KIF21A: variants seen among roughly 807,000 people sequenced by gnomAD.
KIF21A encodes the protein kinesin family member 21A.
KIF21A carries 114 observed loss-of-function variants against 202.9 expected under a neutral mutation model. That is an observed-to-expected ratio of 0.56 (90% CI 0.48 to 0.66). The LOEUF is 0.66. Ranked by LOEUF, KIF21A falls within the 30% of genes least tolerant of loss-of-function variation. KIF21A has a pLI of 0.00. For missense variants in KIF21A, 1,677 were observed against 1,994.9 expected (o/e 0.84, Z 3.04); for synonymous variants, 667 against 670.8 (o/e 0.99, Z 0.09).
Position 39,318,167 on chromosome 12 carries a change from G to A in KIF21A, c.3814C>T (p.Pro1272Ser). The change falls in exon 29 of 38, where the codon CCT (proline) becomes TCT (serine). Residue 1272 changes from proline to serine, a missense_variant. Coordinates refer to ENST00000361418, the MANE Select transcript of KIF21A (RefSeq NM_001173464.2). ...GGCCGGCTTGGTGGGGAAGAAGGAG[G>A]TGAAAGACTAGCCTCTGAAGTTCCA... The part of the protein sequence containing the change: ...DSGTSEASLS[P>S]PSSPPSRPRN... 2 of 1,613,582 alleles carry A rather than the reference G, an allele frequency of 1.2e-6. No homozygotes were observed. Among genetic ancestry groups the A allele is most frequent in the African/African-American group, 1.3e-5 (1 of 75,012 alleles).
At chr12:39,430,331 C>T (rs375286095) in intron 1 of KIF21A, among the ~76,000 whole-genome samples, 3 of 151,798 alleles carry the variant, frequency 2.0e-5, no homozygotes, top group Non-Finnish European at 2.9e-5. Flanking sequence ...TTTGGGAGGC[C>T]GAGGTGGGCG....
intron 13 of KIF21A, 82 bp from the exon 14 acceptor site, chr12:39,341,704 C>A (rs959535577): frequency 7.0e-7 from 1 of 1,421,030 alleles, no homozygotes; most frequent in Non-Finnish European, 9.6e-7. Context: ...TGCTGGAGTA[C>A]AAAGTACGGA....
chr12:39,357,907 T>A lies in KIF21A; in HGVS notation c.1215+271A>T, dbSNP rs528902560. 2.3e-3 allele frequency among the ~76,000 whole-genome samples: 48 copies of A among 20,808 alleles called. No homozygotes were observed. The East Asian group carries it at 0.045, about 19-fold the overall frequency. The allele number at this position is 20,808 out of a possible 152,430, so 13.7% of individuals were successfully genotyped here. On this transcript the variant is annotated intron_variant, in intron 8 of 37. Transcript: ENST00000361418. ...GTGGGTGATAGAGGGAGACTCCATC[T>A]CAAAAAAAAAAAAAAAAAAAAAAAA...
At chr12:39,316,959 C>T (rs1944615605) in intron 29 of KIF21A, among the ~76,000 whole-genome samples, 1 of 152,124 alleles carries the variant, frequency 6.6e-6, no homozygotes, top group Non-Finnish European at 1.5e-5. Flanking sequence ...AAGGTAGACA[C>T]AAATTTAGCA....
intron 1 of KIF21A, among the ~76,000 whole-genome samples, chr12:39,406,096 C>A (rs1365708816): frequency 2.6e-5 from 4 of 151,802 alleles, no homozygotes; most frequent in African/African-American, 9.7e-5. Flanking sequence ...AGTAACAGAA[C>A]AGAGCCTGAA....
At chr12:39,433,395 A>C (rs888500277) in intron 1 of KIF21A, among the ~76,000 whole-genome samples, 1 of 152,192 alleles carries the variant, frequency 6.6e-6, no homozygotes, top group African/African-American at 2.4e-5. Flanking sequence ...ATGTATAATT[A>C]AAATTTTTAT....
At chr12:39,320,707 G>A (rs952229619) in intron 27 of KIF21A, among the ~76,000 whole-genome samples, 26 of 151,596 alleles carry the variant, frequency 1.7e-4, no homozygotes, top group African/African-American at 6.3e-4. Flanking sequence ...GGCTGAGGTG[G>A]GTGGATCACT....
Position 39,301,566 on chromosome 12 carries a change from A to G in KIF21A, c.4845T>C (p.Thr1615=), listed in dbSNP as rs1164303247. 3 of 1,614,124 alleles carry G rather than the reference A, an allele frequency of 1.9e-6. No homozygotes were observed. Among genetic ancestry groups the G allele is most frequent in the Non-Finnish European group, 2.5e-6 (3 of 1,179,996 alleles). ...GGILKVWNMD[T]FMPVGEMKGH... ...CCTTCATCTCTCCCACTGGCATAAA[A>G]GTATCCATGTTCCAGACTTTCAAAA... Residue 1615 remains threonine (T), a synonymous_variant, in exon 37 of 38, where the codon ACT becomes ACC. Coordinates refer to ENST00000361418, the MANE Select transcript of KIF21A (RefSeq NM_001173464.2).
chr12:39,325,969 C>T lies in KIF21A; in HGVS notation c.3402-76G>A, dbSNP rs147657757. ...GAAAACTATAGCTCCTCTATATCAACGACTACAAAAAATTTATATGCCTAT... is the reference window on the plus strand; with the variant it reads ...GAAAACTATAGCTCCTCTATATCAATGACTACAAAAAATTTATATGCCTAT... On this transcript the variant is annotated intron_variant, in intron 25 of 37. Coordinates refer to ENST00000361418, the MANE Select transcript of KIF21A (RefSeq NM_001173464.2). 605 of 1,134,904 alleles carry T rather than the reference C, an allele frequency of 5.3e-4. No individual in the cohort carries two copies. The African/African-American group carries it at 7.0e-3, about 13-fold the overall frequency. The allele number at this position is 1,134,904 out of a possible 1,614,324, so 70.3% of individuals were successfully genotyped here.
At position 39,330,744 on chromosome 12, in the gene KIF21A, A is replaced by G; in HGVS notation, c.3319+2T>C. The G allele has an allele frequency of 6.2e-7, 1 of 1,613,890 alleles. No individual in the cohort carries two copies. The highest frequency in any genetic ancestry group is 1.3e-5 in the African/African-American group (1 of 75,060). ...ATTCAACTAAAATTGAGAGCAAATT[A>G]CCTTGTAAAGCATGGCCTAGTAAAG... On this transcript the variant is annotated splice_donor_variant, in intron 23 of 37. Transcript: ENST00000361418. LOFTEE classifies it high-confidence loss of function.
At chr12:39,366,618 C>T (rs1431972980) in intron 5 of KIF21A, 101 bp from the exon 6 acceptor site, 1 of 846,868 alleles carries the variant, frequency 1.2e-6, no homozygotes, top group African/African-American at 1.7e-5. Context: ...TAGGCACAAC[C>T]AAAGAAACAG....
rs1478626116 is a variant in KIF21A, at chr12:39,313,238, G to C, written c.3960-1685C>G. On this transcript the variant is annotated intron_variant, in intron 31 of 37. Transcript: ENST00000361418. ...ATCAAAAAAAGGGACAAAACATGTAGACCTGATCTTCCAAAATGCAGGAAA... is the reference window on the plus strand; with the variant it reads ...ATCAAAAAAAGGGACAAAACATGTACACCTGATCTTCCAAAATGCAGGAAA... Among the ~76,000 whole-genome samples, 4 of 151,940 alleles carry C rather than the reference G, an allele frequency of 2.6e-5. No homozygotes were observed. The South Asian group carries it at 6.2e-4, about 24-fold the overall frequency.
intron 12 of KIF21A, among the ~76,000 whole-genome samples, chr12:39,345,986 T>TTTG (rs1947857111): frequency 6.6e-6 from 1 of 152,034 alleles, no homozygotes; most frequent in Non-Finnish European, 1.5e-5. Context: ...TGTTGTCATT[T>TTTG]TAATGATTTT....
chr12:39,425,767 G>A (rs1159787632), intron 1 of KIF21A, among the ~76,000 whole-genome samples: 1 of 151,980 alleles, frequency 6.6e-6, no homozygotes, highest in Non-Finnish European at 1.5e-5. Flanking sequence ...GGCTTAGGCA[G>A]ATTAAAGAAT....
chr12:39,417,576 C>T (rs1395785070), intron 1 of KIF21A, among the ~76,000 whole-genome samples: 1 of 152,030 alleles, frequency 6.6e-6, no homozygotes, highest in African/African-American at 2.4e-5. Flanking sequence ...CATCTTATTA[C>T]CTATTGAGTT....
chr12:39,419,389 A>T (rs1954054384), intron 1 of KIF21A, among the ~76,000 whole-genome samples: 1 of 152,202 alleles, frequency 6.6e-6, no homozygotes, highest in Non-Finnish European at 1.5e-5. Context: ...TAGTTCCTAT[A>T]ATTTCCATTC....
Position 39,338,416 on chromosome 12 carries a change from T to A in KIF21A, c.2311-1213A>T, listed in dbSNP as rs554437330. 2.0e-5 allele frequency among the ~76,000 whole-genome samples: 3 copies of A among 152,340 alleles called. No individual in the cohort carries two copies. In the South Asian group the frequency reaches 6.2e-4, roughly 32 times the overall value. On this transcript the variant is annotated intron_variant, in intron 16 of 37. Coordinates refer to ENST00000361418, the MANE Select transcript of KIF21A (RefSeq NM_001173464.2). ...ATTTATAAAATAAAAAAAATTACAG[T>A]AAGCCAAGGTTAATTTATCACTGAG...
At chr12:39,341,151 T>C (rs1947407596) in intron 14 of KIF21A, 57 bp from the exon 15 acceptor site, 2 of 1,304,052 alleles carry the variant, frequency 1.5e-6, no homozygotes, top group Non-Finnish European at 2.2e-6. Flanking sequence ...ATCAGAATTC[T>C]AGCTTTCAAG....
chr12:39,295,807 T>G (rs760184443), intron 37 of KIF21A, among the ~76,000 whole-genome samples: 1 of 147,880 alleles, frequency 6.8e-6, no homozygotes, highest in Non-Finnish European at 1.5e-5. Context: ...GTTCAAGAGA[T>G]TCTCCTGCCT....
Sources: allele counts gnomAD v4.1 joint callset (sites outside exome capture counted in the v4.1 genomes callset), GRCh38; gene constraint gnomAD v4.1.1; transcripts MANE v1.5; gene names NCBI Gene and HGNC (gene_info 2026-07-23, HGNC 2026-07-21).